The following CTSH variants were observed in gnomAD, a reference collection of about 807,000 sequenced individuals.
CTSH encodes cathepsin H, also known as pro-cathepsin H.
A neutral mutation model predicts 56.3 loss-of-function variants in CTSH; 52 were observed. The ratio of observed to expected loss-of-function variants is 0.92; its 90% CI spans 0.74 to 1.16. The LOEUF (loss-of-function observed/expected upper bound fraction) is 1.16. Ranked by LOEUF, CTSH falls within the 50% of genes most tolerant of loss-of-function variation. The pLI is 0.00. For missense variants in CTSH, 406 were observed against 424.5 expected (o/e 0.96, Z 0.38); for synonymous variants, 174 against 155.7 (o/e 1.12, Z -0.88).
chr15:78,938,905 T>C (rs538384077), intron 2 of CTSH, among the ~76,000 whole-genome samples: 1 of 152,302 alleles, frequency 6.6e-6, no homozygotes, highest in Non-Finnish European at 1.5e-5. Context: ...AATACAGAAA[T>C]GAATCCCAGG....
intron 11 of CTSH, 101 bp downstream of exon 11, chr15:78,922,892 C>T (rs1041603436): frequency 7.0e-5 from 100 of 1,422,774 alleles, no homozygotes; most frequent in South Asian, 3.0e-4. Context: ...CTGACCAGCT[C>T]GTCTGTGGAA....
At chr15:78,936,315 G>A (rs149100021) in intron 3 of CTSH, among the ~76,000 whole-genome samples, 155 of 151,248 alleles carry the variant, frequency 1.0e-3, no homozygotes, top group Admixed American at 1.6e-3. Flanking sequence ...CCTAGTAGCT[G>A]AGACTACAGG....
intron 11 of CTSH, 32 bp from the exon 12 acceptor site, chr15:78,922,237 G>A (rs780208052): frequency 1.9e-6 from 3 of 1,545,700 alleles, no homozygotes; most frequent in Non-Finnish European, 2.6e-6. Context: ...GGCCCGGCCG[G>A]CGGTCTCCCC....
At chr15:78,927,474 T>C (rs979546776) in intron 9 of CTSH, 4 of 563,280 alleles carry the variant, frequency 7.1e-6, no homozygotes, top group East Asian at 5.8e-5. Context: ...ACCAAAAGAA[T>C]GAAGGCATGT....
intron 5 of CTSH, among the ~76,000 whole-genome samples, chr15:78,934,629 G>A (rs573275425): frequency 1.2e-4 from 19 of 152,354 alleles, no homozygotes; most frequent in African/African-American, 4.3e-4. Context: ...AGATGGAGGC[G>A]GGAAGAGGAG....
At position 78,931,953 on chromosome 15, in the gene CTSH, A is replaced by G. The variant is rs1289947184; in HGVS notation, c.492+419T>C. 16 of 1,157,432 alleles carry G rather than the reference A, an allele frequency of 1.4e-5. No individual in the cohort carries two copies. The African/African-American group carries it at 2.5e-4, about 18-fold the overall frequency. The allele number at this position is 1,157,432 out of a possible 1,614,324, so 71.7% of individuals were successfully genotyped here. On this transcript the variant is annotated intron_variant, in intron 6 of 11. Coordinates refer to ENST00000220166, the MANE Select transcript of CTSH (RefSeq NM_004390.5). ...TCTCCACAGAGGCAGGGGCTAGGATAGTTCCTTCAGGGGCATCATCCGTCT... is the reference window on the plus strand; with the variant it reads ...TCTCCACAGAGGCAGGGGCTAGGATGGTTCCTTCAGGGGCATCATCCGTCT...
intron 7 of CTSH, among the ~76,000 whole-genome samples, chr15:78,930,609 C>T (rs572898356): frequency 6.0e-4 from 92 of 152,220 alleles, no homozygotes; most frequent in South Asian, 1.7e-3. Flanking sequence ...GCCCAAATGT[C>T]AGACTCTTGT....
At position 78,938,992 on chromosome 15, in the gene CTSH, G is replaced by A. The variant is rs113309421; in HGVS notation, c.123+148C>T. The A allele has an allele frequency of 8.0e-4, 576 of 721,610 alleles. 5 individuals carry two copies. The highest frequency in any genetic ancestry group is 1.6e-4 in the Non-Finnish European group (68 of 414,704). The allele number at this position is 721,610 out of a possible 1,614,324, so 44.7% of individuals were successfully genotyped here. A position where few individuals can be genotyped will look rare whatever the true frequency, so the allele number is the denominator to read the frequency against. On this transcript the variant is annotated intron_variant, in intron 2 of 11. Coordinates refer to ENST00000220166, the MANE Select transcript of CTSH (RefSeq NM_004390.5). ...AATTTACTTAACTGCATCTTTCCCAGTGTTTGGCCAGTTCAACTTCTGGAA... is the reference window on the plus strand; with the variant it reads ...AATTTACTTAACTGCATCTTTCCCAATGTTTGGCCAGTTCAACTTCTGGAA...
chr15:78,924,852 CT>C (rs10689092), intron 10 of CTSH, among the ~76,000 whole-genome samples: 3,396 of 135,644 alleles, frequency 0.025, 110 homozygotes, highest in African/African-American at 0.083. Context: ...ACCACGCTGG[CT>C]TTTTTTTTTT....
chr15:78,943,912 C>T (rs2055342353), intron 1 of CTSH, among the ~76,000 whole-genome samples: 1 of 152,216 alleles, frequency 6.6e-6, no homozygotes, highest in Non-Finnish European at 1.5e-5. Context: ...GAGCTGGGCG[C>T]CCACTGAGGT....
rs1232983108 is a variant in CTSH, at chr15:78,932,515, C to A, written c.406-57G>T. 8.6e-6 allele frequency: 12 copies of A among 1,387,522 alleles called. No homozygotes were observed. The South Asian group carries it at 1.4e-4, about 16-fold the overall frequency. The allele number at this position is 1,387,522 out of a possible 1,614,324, so 86.0% of individuals were successfully genotyped here. ...AGTGATGGGGACGCCGTGAGACAGC[C>A]CTGCCTTCTGCCTTCCTCTGCTGAC... On this transcript the variant is annotated intron_variant, in intron 5 of 11. Coordinates refer to ENST00000220166, the MANE Select transcript of CTSH (RefSeq NM_004390.5).
At chr15:78,943,747 G>A (rs1029341460) in intron 1 of CTSH, among the ~76,000 whole-genome samples, 1 of 152,216 alleles carries the variant, frequency 6.6e-6, no homozygotes, top group Non-Finnish European at 1.5e-5. Context: ...TTGCTACAGA[G>A]ACCACCATAA....
chr15:78,925,221 G>A (rs993887562), intron 10 of CTSH, 113 bp downstream of exon 10: 3 of 668,536 alleles, frequency 4.5e-6, no homozygotes, highest in African/African-American at 3.6e-5. Context: ...GTGTCATGAA[G>A]GGTCTGACAC....
chr15:78,937,545 A>C, intron 2 of CTSH, 122 bp from the exon 3 acceptor site: 5 of 1,335,210 alleles, frequency 3.7e-6, no homozygotes, highest in Non-Finnish European at 4.0e-6. Context: ...CTCAGGCCAA[A>C]TCTGTGTTAA....
intron 1 of CTSH, 126 bp from the exon 2 acceptor site, chr15:78,939,297 G>A (rs2055239827): frequency 1.5e-6 from 1 of 683,498 alleles, no homozygotes; most frequent in Non-Finnish European, 2.5e-6. Context: ...CACCAAAAAT[G>A]GTGTTATATA....
chr15:78,927,882 A>G, intron 8 of CTSH, 101 bp from the exon 9 acceptor site: 1 of 927,228 alleles, frequency 1.1e-6, no homozygotes, highest in Non-Finnish European at 1.8e-6. Context: ...AAGATGTGCC[A>G]GGGCCTGGGG....
intron 10 of CTSH, 61 bp from the exon 11 acceptor site, chr15:78,923,179 C>T: frequency 6.3e-7 from 1 of 1,589,704 alleles, no homozygotes; most frequent in Non-Finnish European, 8.6e-7. Flanking sequence ...ATGACAGTCC[C>T]ATCCAACAAC....
chr15:78,925,650 C>T lies in CTSH; in HGVS notation c.700-210G>A, dbSNP rs3825930. On this transcript the variant is annotated intron_variant, in intron 9 of 11. Transcript: ENST00000220166. ...TCTCCCCAACTCTGCTCCTAGGAAA[C>T]CCTGCACCCTCTGAGATAGGGACCA... The T allele has an allele frequency of 0.031, 15,485 of 499,752 alleles. 2,053 individuals carry two copies. In the East Asian group the frequency reaches 0.35, roughly 11 times the overall value. The allele number at this position is 499,752 out of a possible 1,614,324, so 31.0% of individuals were successfully genotyped here. A position where few individuals can be genotyped will look rare whatever the true frequency, so the allele number is the denominator to read the frequency against.
intron 11 of CTSH, among the ~76,000 whole-genome samples, chr15:78,922,734 C>T (rs1254057731): frequency 6.6e-6 from 1 of 152,210 alleles, no homozygotes; most frequent in Non-Finnish European, 1.5e-5. Context: ...AGCTGTTTTC[C>T]TAGCAGTCCT....
Sources: gnomAD v4.1 joint callset for allele counts (sites outside exome capture counted in the v4.1 genomes callset) on GRCh38, gnomAD v4.1.1 for gene constraint, MANE v1.5 for transcripts, NCBI Gene and HGNC (gene_info 2026-07-23, HGNC 2026-07-21) for gene names.